SEPTIN2: variants seen among roughly 807,000 people sequenced by gnomAD.
SEPTIN2 encodes septin-2.
A neutral mutation model predicts 46.5 loss-of-function variants in SEPTIN2; 34 were observed. The ratio of observed to expected loss-of-function variants is 0.73; its 90% CI spans 0.56 to 0.97. The LOEUF (loss-of-function observed/expected upper bound fraction) is 0.97. Among genes scored for constraint, SEPTIN2 ranks in the 50% least tolerant of loss-of-function variants. SEPTIN2 has a pLI of 0.00. For missense variants in SEPTIN2, 347 were observed against 448.4 expected (o/e 0.77, Z 2.04); for synonymous variants, 175 against 153.4 (o/e 1.14, Z -1.04).
intron 1 of SEPTIN2, chr2:241,317,568 G>A (rs2076545323): frequency 1.0e-6 from 1 of 984,220 alleles, no homozygotes; most frequent in Non-Finnish European, 1.2e-6. Flanking sequence ...GAGGAATGGG[G>A]ACACCAAAAC....
intron 1 of SEPTIN2, chr2:241,320,194 T>C (rs2076939018): frequency 2.1e-6 from 1 of 469,466 alleles, no homozygotes; most frequent in African/African-American, 2.0e-5. Flanking sequence ...TTTTCCCTTT[T>C]CTCTGTAGAG....
In SEPTIN2 at chr2:241,352,921, A is replaced by T. The variant is rs926787371; in HGVS notation, c.*984A>T. The T allele has an allele frequency of 6.6e-6, 1 of 152,224 alleles. No homozygotes were observed. The highest frequency in any genetic ancestry group is 1.5e-5 in the Non-Finnish European group (1 of 68,062). 9.4% of individuals were successfully genotyped at this position (152,224 alleles called of 1,614,324 possible). ...GTATTTTCTGTCACTGTAGGTATAG[A>T]AGATCTGCCTCCCCTGTGGAAATTG... On this transcript the variant is annotated 3_prime_UTR_variant, in exon 13 of 13. Coordinates refer to ENST00000391971, the MANE Select transcript of SEPTIN2 (RefSeq NM_004404.5).
intron 1 of SEPTIN2, 129 bp downstream of exon 1, chr2:241,316,111 G>A: frequency 5.7e-6 from 1 of 174,220 alleles, no homozygotes; most frequent in East Asian, 1.5e-4. Context: ...GCGGGGCGGT[G>A]TGGGGGAGGG....
rs1393933257 is a variant in SEPTIN2 at position 241,352,582 on chromosome 2, C to T, written c.*645C>T. On this transcript the variant is annotated 3_prime_UTR_variant, in exon 13 of 13. Transcript: ENST00000391971. ...GAGATATATCTTTATACTTAAACAG[C>T]TTTTTTAGAGGTGAGTTTTAAAGAA... 2 of 152,522 alleles carry T rather than the reference C, an allele frequency of 1.3e-5. No individual in the cohort carries two copies. Among genetic ancestry groups the T allele is most frequent in the African/African-American group, 4.8e-5 (2 of 41,418 alleles). The allele number at this position is 152,522 out of a possible 1,614,324, so 9.4% of individuals were successfully genotyped here. A position where few individuals can be genotyped will look rare whatever the true frequency, so the allele number is the denominator to read the frequency against.
chr2:241,349,995 A>C, intron 11 of SEPTIN2, 78 bp from the exon 12 acceptor site: 1 of 1,403,598 alleles, frequency 7.1e-7, no homozygotes, highest in Non-Finnish European at 9.9e-7. Flanking sequence ...TTGAAATTTT[A>C]GGAATCACAG....
chr2:241,335,074 G>C (rs56390510), intron 3 of SEPTIN2, 52 bp from the exon 4 acceptor site: 246,039 of 1,281,030 alleles, frequency 0.19, 25,804 homozygotes, highest in East Asian at 0.39. Flanking sequence ...TTAACCGATT[G>C]AATGGTGTCA....
At chr2:241,332,007 AGAT>A (rs1207131809) in intron 3 of SEPTIN2, among the ~76,000 whole-genome samples, 3 of 152,242 alleles carry the variant, frequency 2.0e-5, no homozygotes, top group African/African-American at 7.2e-5. Flanking sequence ...TGTAACAACT[AGAT>A]GATTATGTGT....
chr2:241,332,059 C>G (rs148400502), intron 3 of SEPTIN2, among the ~76,000 whole-genome samples: 1 of 152,210 alleles, frequency 6.6e-6, no homozygotes, highest in East Asian at 1.9e-4. Context: ...CACTGTATAT[C>G]ACAACCTGAA....
chr2:241,316,343 G>A (rs1018391847), intron 1 of SEPTIN2: 49 of 607,428 alleles, frequency 8.1e-5, no homozygotes, highest in Admixed American at 3.8e-4. Context: ...TTGGAGGGAG[G>A]ATACAGGTTT....
chr2:241,330,949 C>G (rs993846692), intron 3 of SEPTIN2, among the ~76,000 whole-genome samples: 2 of 152,212 alleles, frequency 1.3e-5, no homozygotes, highest in African/African-American at 4.8e-5. Context: ...GCTGGCAGAT[C>G]ACCTGAGGTC....
At position 241,337,534 on chromosome 2, in the gene SEPTIN2, G is replaced by T. The variant is rs111967172; in HGVS notation, c.476+18G>T. 1 of 1,612,182 alleles carries T rather than the reference G, an allele frequency of 6.2e-7. No homozygotes were observed. The highest frequency in any genetic ancestry group is 1.3e-5 in the African/African-American group (1 of 74,970). ...GGACATGGGTAAGTAATTGTTTATC[G>T]TGGAGAAATGCTTTACTACATGGGT... is the stretch of plus-strand genomic sequence containing the variant. On this transcript the variant is annotated intron_variant, in intron 6 of 12. Transcript: ENST00000391971.
intron 1 of SEPTIN2, among the ~76,000 whole-genome samples, chr2:241,322,618 A>AG (rs1201017521): frequency 1.3e-5 from 2 of 151,852 alleles, no homozygotes; most frequent in Non-Finnish European, 2.9e-5. Flanking sequence ...AAAAAAAAAA[A>AG]GAAAAGAGAA....
rs1239160007 is a variant in SEPTIN2, at chr2:241,352,494, A to G, written c.*557A>G. The G allele has an allele frequency of 6.6e-6, 1 of 152,626 alleles. No homozygotes were observed. Among genetic ancestry groups the G allele is most frequent in the Non-Finnish European group, 1.5e-5 (1 of 68,040 alleles). The allele number at this position is 152,626 out of a possible 1,614,324, so 9.5% of individuals were successfully genotyped here. On this transcript the variant is annotated 3_prime_UTR_variant, in exon 13 of 13. Transcript: ENST00000391971. ...AAACCAGTTTTGCTGCTATAATTCT[A>G]TACTGTTGATTCGTCTGCGATTTTA...
intron 10 of SEPTIN2, chr2:241,346,592 T>A (rs79212124): frequency 0.16 from 24,271 of 148,752 alleles, 2,071 homozygotes; most frequent in Middle Eastern, 0.27. Flanking sequence ...TACAAAAATT[T>A]AAAAAAAAAA....
chr2:241,338,821 T>TTATATATAATATATATAATAAATA (rs2080681776), intron 7 of SEPTIN2, among the ~76,000 whole-genome samples: 1 of 102,672 alleles, frequency 9.7e-6, no homozygotes, highest in African/African-American at 4.3e-5. Flanking sequence ...TTTATATTAT[T>TTATATATAATATATATAATAAATA]TATATATAAT....
intron 2 of SEPTIN2, 136 bp downstream of exon 2, chr2:241,324,377 A>C: frequency 1.4e-6 from 1 of 704,592 alleles, no homozygotes; most frequent in Non-Finnish European, 2.4e-6. Context: ...AAAGAGTTCT[A>C]ATTTAGTTGT....
rs762942157 is a variant in SEPTIN2, at chr2:241,335,146, T to G, written c.151T>G (p.Ser51Ala). The G allele has an allele frequency of 1.2e-6, 2 of 1,613,434 alleles. No individual in the cohort carries two copies. The highest frequency in any genetic ancestry group is 3.3e-5 in the Admixed American group (2 of 59,984). ...TAAAGGTGAATCAGGTCTAGGAAAA[T>G]CGACTCTCATAAACAGCCTATTCCT... ...MVVGESGLGK[S>A]TLINSLFLTD... The change falls in exon 4 of 13, where the codon TCG becomes GCG. Residue 51 changes from serine to alanine, a missense_variant. Ser to Ala is a moderately conservative substitution (Grantham distance 99). Transcript: ENST00000391971.
chr2:241,316,024 G>A (rs1205581255), intron 1 of SEPTIN2, 42 bp downstream of exon 1: 2 of 153,414 alleles, frequency 1.3e-5, no homozygotes, highest in Non-Finnish European at 1.5e-5. Context: ...TTGTGGGCCG[G>A]CCCTCCCGAG....
intron 9 of SEPTIN2, among the ~76,000 whole-genome samples, chr2:241,345,655 A>G (rs553755164): frequency 1.3e-5 from 2 of 152,262 alleles, no homozygotes; most frequent in Non-Finnish European, 2.9e-5. Flanking sequence ...GTTGCTGACT[A>G]ATATTCTTGG....
Sources: allele counts gnomAD v4.1 joint callset (sites outside exome capture counted in the v4.1 genomes callset), GRCh38; gene constraint gnomAD v4.1.1; transcripts MANE v1.5; gene names NCBI Gene and HGNC (gene_info 2026-07-23, HGNC 2026-07-21).